MYO5B: variants seen among roughly 807,000 people sequenced by gnomAD.
MYO5B encodes the protein unconventional myosin-Vb.
MYO5B carries 143 observed loss-of-function variants against 229.3 expected under a neutral mutation model. That is an observed-to-expected ratio of 0.62 (90% CI 0.54 to 0.72). MYO5B has a LOEUF of 0.72. Ranked by LOEUF, MYO5B falls within the 30% of genes least tolerant of loss-of-function variation. MYO5B has a pLI of 0.00. For synonymous variants in MYO5B, 918 were observed against 885.2 expected (o/e 1.04, Z -0.66); for missense variants, 2,321 against 2,331.0 (o/e 1.00, Z 0.09).
chr18:49,909,264 A>G (rs2024932680), intron 18 of MYO5B, among the ~76,000 whole-genome samples: 1 of 152,216 alleles, frequency 6.6e-6, no homozygotes, highest in Admixed American at 6.5e-5. Context: ...AGGAAATAGA[A>G]GACCCCAGGG....
At chr18:49,979,154 C>T (rs1449135605) in intron 9 of MYO5B, among the ~76,000 whole-genome samples, 1 of 152,180 alleles carries the variant, frequency 6.6e-6, no homozygotes, top group African/African-American at 2.4e-5. Flanking sequence ...CATGACAGTC[C>T]TTCTCATGGC....
Position 50,043,611 on chromosome 18 carries a change from AATATATAT to A in MYO5B, c.139-3305_139-3298del, listed in dbSNP as rs555483364. ...ATATTTATAAGTATATAAATATATA[AATATATAT>A]AAATATATAAATATATTAAATATAT... is the stretch of plus-strand genomic sequence containing the variant. On this transcript the variant is annotated intron_variant, in intron 2 of 39. Coordinates refer to ENST00000285039, the MANE Select transcript of MYO5B (RefSeq NM_001080467.3). Among the ~76,000 whole-genome samples, 7 of 133,264 alleles carry A rather than the reference AATATATAT, an allele frequency of 5.3e-5. No homozygotes were observed. In the East Asian group the frequency reaches 1.4e-3, roughly 27 times the overall value. 87.4% of individuals were successfully genotyped at this position (133,264 alleles called of 152,430 possible). A position where few individuals can be genotyped will look rare whatever the true frequency, so the allele number is the denominator to read the frequency against.
At chr18:49,970,066 G>A (rs565550350) in intron 10 of MYO5B, 11 of 152,332 alleles carry the variant, frequency 7.2e-5, no homozygotes, top group Non-Finnish European at 1.3e-4. Context: ...AGGAACAAAG[G>A]ATTAGAGACT....
chr18:50,035,251 C>T (rs1257376957), intron 4 of MYO5B, among the ~76,000 whole-genome samples: 1 of 152,226 alleles, frequency 6.6e-6, no homozygotes, highest in Non-Finnish European at 1.5e-5. Context: ...ATGGAAACTT[C>T]TGACACACCT....
intron 29 of MYO5B, among the ~76,000 whole-genome samples, chr18:49,862,079 C>T (rs1188735567): frequency 6.7e-6 from 1 of 148,496 alleles, no homozygotes; most frequent in Non-Finnish European, 1.5e-5. Context: ...CTCATTGCAA[C>T]CTCCGCCTCC....
chr18:49,924,756 C>A (rs949871766), intron 17 of MYO5B, among the ~76,000 whole-genome samples: 2 of 152,200 alleles, frequency 1.3e-5, no homozygotes, highest in African/African-American at 4.8e-5. Context: ...AACTCAACCA[C>A]CAACCAGGCT....
intron 1 of MYO5B, among the ~76,000 whole-genome samples, chr18:50,089,169 G>A (rs1333237039): frequency 2.0e-5 from 3 of 152,208 alleles, no homozygotes; most frequent in Non-Finnish European, 4.4e-5. Flanking sequence ...CATGAGGTCA[G>A]GAGTTCGAGA....
intron 1 of MYO5B, among the ~76,000 whole-genome samples, chr18:50,143,916 T>C (rs933956516): frequency 1.3e-5 from 2 of 152,184 alleles, no homozygotes; most frequent in Non-Finnish European, 2.9e-5. Flanking sequence ...AAGCACACCA[T>C]ATGCATGGAA....
intron 29 of MYO5B, among the ~76,000 whole-genome samples, chr18:49,859,818 A>G (rs971963935): frequency 7.2e-5 from 11 of 152,210 alleles, no homozygotes; most frequent in Admixed American, 2.0e-4. Flanking sequence ...GCTGGGCAGA[A>G]GCTAGCTCTT....
chr18:50,183,761 T>C (rs2033109461), intron 1 of MYO5B, among the ~76,000 whole-genome samples: 1 of 151,770 alleles, frequency 6.6e-6, no homozygotes, highest in Admixed American at 6.6e-5. Context: ...CGGGGCCTAG[T>C]GGGATGTGTT....
intron 31 of MYO5B, chr18:49,850,228 A>C: frequency 5.7e-6 from 1 of 176,878 alleles, no homozygotes; most frequent in Non-Finnish European, 1.2e-5. Context: ...CATTAATGTC[A>C]CCTCCATCCC....
intron 1 of MYO5B, among the ~76,000 whole-genome samples, chr18:50,174,261 C>T (rs1223479089): frequency 1.3e-5 from 2 of 152,254 alleles, no homozygotes; most frequent in East Asian, 1.9e-4. Flanking sequence ...TCATGTGGAA[C>T]TTAATTCCTT....
At chr18:50,076,267 C>A (rs371024051) in intron 1 of MYO5B, among the ~76,000 whole-genome samples, 1 of 152,128 alleles carries the variant, frequency 6.6e-6, no homozygotes, top group Non-Finnish European at 1.5e-5. Flanking sequence ...CAGAACTGTA[C>A]GGAAAGTGAG....
rs190643685 is a variant in MYO5B at position 49,855,827 on chromosome 18, T to C, written c.4022+986A>G. On this transcript the variant is annotated intron_variant, in intron 30 of 39. Coordinates refer to ENST00000285039, the MANE Select transcript of MYO5B (RefSeq NM_001080467.3). ...GCTCTTGGTGCAACAGTACCTCTAC[T>C]ACATCCTCAGCAGGCGGCAAGGAGA... Among the ~76,000 whole-genome samples the C allele has an allele frequency of 9.2e-5, 14 of 152,336 alleles. No homozygotes were observed. In the East Asian group the frequency reaches 1.7e-3, roughly 19 times the overall value.
intron 9 of MYO5B, among the ~76,000 whole-genome samples, chr18:49,976,926 A>G (rs1004159976): frequency 1.3e-5 from 2 of 152,178 alleles, no homozygotes; most frequent in African/African-American, 2.4e-5. Flanking sequence ...CATCTGACCT[A>G]TTTCCAAGAA....
intron 30 of MYO5B, among the ~76,000 whole-genome samples, chr18:49,855,356 A>T (rs377215921): frequency 1.6e-4 from 25 of 152,332 alleles, no homozygotes; most frequent in African/African-American, 5.8e-4. Context: ...GGCCACGACC[A>T]GTGGCAGGGC....
chr18:50,030,517 G>A (rs1317723776), intron 4 of MYO5B, among the ~76,000 whole-genome samples: 2 of 147,290 alleles, frequency 1.4e-5, no homozygotes, highest in East Asian at 3.9e-4. Flanking sequence ...TTCTCTACAT[G>A]CTCTTCACAC....
At chr18:49,947,558 G>T (rs1177886169) in intron 14 of MYO5B, among the ~76,000 whole-genome samples, 1 of 152,162 alleles carries the variant, frequency 6.6e-6, no homozygotes, top group Non-Finnish European at 1.5e-5. Context: ...ATAGTAATCA[G>T]ATCAGGGCAA....
At chr18:49,989,408 C>T (rs758489602) in intron 7 of MYO5B, among the ~76,000 whole-genome samples, 15 of 152,116 alleles carry the variant, frequency 9.9e-5, no homozygotes, top group Non-Finnish European at 1.6e-4. Context: ...TTTAGACACC[C>T]GGATCTTCAT....
Sources: gnomAD v4.1 joint callset for allele counts (sites outside exome capture counted in the v4.1 genomes callset) on GRCh38, gnomAD v4.1.1 for gene constraint, MANE v1.5 for transcripts, NCBI Gene and HGNC (gene_info 2026-07-23, HGNC 2026-07-21) for gene names.